PKD1L1: variants seen among roughly 807,000 people sequenced by gnomAD.
The protein encoded by PKD1L1 is polycystin-1-like protein 1.
Under a neutral mutation model 323.4 loss-of-function variants are expected in PKD1L1, and 236 were observed. The ratio of observed to expected loss-of-function variants is 0.73; its 90% CI spans 0.66 to 0.81. The LOEUF (loss-of-function observed/expected upper bound fraction) is 0.81, where lower values mean the gene tolerates loss of function less well. PKD1L1 is among the 40% of genes least tolerant of loss of function. The pLI is 0.00. For synonymous variants in PKD1L1, 1,344 were observed against 1,335.0 expected, an observed-to-expected ratio of 1.01 and a Z score of -0.15; for missense variants, 3,320 against 3,508.0, an observed-to-expected ratio of 0.95 and a Z score of 1.35.
chr7:47,789,088 T>C (rs924961666), intron 56 of PKD1L1, among the ~76,000 whole-genome samples: 1 of 152,216 alleles, frequency 6.6e-6, no homozygotes, highest in Non-Finnish European at 1.5e-5. Context: ...AGTTTTTAGA[T>C]CAATAAATTG....
chr7:47,901,644 G>A (rs1787091807), intron 13 of PKD1L1, among the ~76,000 whole-genome samples: 1 of 152,210 alleles, frequency 6.6e-6, no homozygotes, highest in Non-Finnish European at 1.5e-5. Flanking sequence ...GGTGGGCAGG[G>A]GTATTGCCTG....
At position 47,893,907 on chromosome 7, in the gene PKD1L1, G is replaced by A. The variant is rs764327755; in HGVS notation, c.2424C>T (p.Phe808=). The part of the protein sequence containing the change: ...SPIVLRGTQS[F]DPDDPGATLR... Reference sequence around the variant, plus strand: ...GAGTCGCCCCAGGGTCGTCAGGGTCGAAGGACTGGGTCCCTCTGAGGACAA... The same window carrying A: ...GAGTCGCCCCAGGGTCGTCAGGGTCAAAGGACTGGGTCCCTCTGAGGACAA... Residue 808 remains phenylalanine (F), a synonymous_variant, in exon 15 of 57, where the codon TTC becomes TTT. Transcript: ENST00000289672. 33 of 1,613,794 alleles carry A rather than the reference G, an allele frequency of 2.0e-5. No individual in the cohort carries two copies. The Admixed American group carries it at 2.2e-4, about 11-fold the overall frequency.
At chr7:47,874,589 C>T (rs532466676) in intron 23 of PKD1L1, among the ~76,000 whole-genome samples, 2 of 152,288 alleles carry the variant, frequency 1.3e-5, no homozygotes, top group East Asian at 3.9e-4. Flanking sequence ...ATCTCGTCTA[C>T]AAGCAAATTC....
chr7:47,806,231 G>C (rs1393747043), intron 52 of PKD1L1, among the ~76,000 whole-genome samples: 1 of 152,168 alleles, frequency 6.6e-6, no homozygotes, highest in Non-Finnish European at 1.5e-5. Context: ...CAGGTGAAAA[G>C]AACATCCTAC....
chr7:47,846,949 C>T lies in PKD1L1; in HGVS notation c.5083G>A (p.Asp1695Asn). 1 of 1,613,964 alleles carries T rather than the reference C, an allele frequency of 6.2e-7. No individual in the cohort carries two copies. Among genetic ancestry groups the T allele is most frequent in the South Asian group, 1.1e-5 (1 of 90,998 alleles). The change falls in exon 32 of 57, where the codon GAC becomes AAC. Residue 1695 changes from aspartate to asparagine, a missense_variant. Coordinates refer to ENST00000289672, the MANE Select transcript of PKD1L1 (RefSeq NM_138295.5). ...CGTTCAGATTTCCACTCTCTCTTGT[C>T]CCAAAACAGGCATCGGATCCACTGG... ...HFQWIRCLFW[D>N]KREWKSERFS...
At position 47,857,617 on chromosome 7, in the gene PKD1L1, T is replaced by G; in HGVS notation, c.4578A>C (p.Gln1526His). 6.2e-7 allele frequency: 1 copy of G among 1,613,886 alleles called. No individual in the cohort carries two copies. Among genetic ancestry groups the G allele is most frequent in the Non-Finnish European group, 8.5e-7 (1 of 1,179,750 alleles). ...LFKKNPYPGS[Q>H]APGQIGGVVG... ...TGTCAGCTTGTACCTGCCCAGGAGCTTGGCTCCCTGGATATGGGTTCTTCT... is the reference window on the plus strand; with the variant it reads ...TGTCAGCTTGTACCTGCCCAGGAGCGTGGCTCCCTGGATATGGGTTCTTCT... The change falls in exon 28 of 57, where the codon CAA (glutamine) becomes CAC (histidine). Residue 1526 changes from glutamine to histidine, a missense_variant. Gln to His is a conservative substitution (Grantham distance 24). Transcript: ENST00000289672.
chr7:47,792,237 C>T (rs1786966413), intron 56 of PKD1L1, among the ~76,000 whole-genome samples: 1 of 152,144 alleles, frequency 6.6e-6, no homozygotes, highest in Non-Finnish European at 1.5e-5. Context: ...CATCCTTTCT[C>T]CTTTTGGTCT....
At chr7:47,780,063 T>G (rs10951928) in intron 56 of PKD1L1, among the ~76,000 whole-genome samples, 42,008 of 152,048 alleles carry the variant, frequency 0.28, 6,133 homozygotes, top group East Asian at 0.57. Flanking sequence ...AACTGTAGAT[T>G]CACACACAGT....
intron 54 of PKD1L1, among the ~76,000 whole-genome samples, chr7:47,797,936 CAA>C (rs1784577954): frequency 6.6e-6 from 1 of 152,054 alleles, no homozygotes; most frequent in Non-Finnish European, 1.5e-5. Flanking sequence ...TGAAAAAAAT[CAA>C]AGAGTATCTA....
intron 41 of PKD1L1, among the ~76,000 whole-genome samples, chr7:47,831,611 C>T (rs753236315): frequency 6.6e-5 from 10 of 152,168 alleles, no homozygotes; most frequent in Non-Finnish European, 5.9e-5. Context: ...CTGAATAGAA[C>T]GCACAGGCTG....
intron 39 of PKD1L1, 46 bp from the exon 40 acceptor site, chr7:47,834,431 T>C (rs780720426): frequency 5.9e-6 from 9 of 1,522,326 alleles, no homozygotes; most frequent in South Asian, 2.3e-5. Flanking sequence ...TTTGGGGTGA[T>C]ACATTTAAAC....
chr7:47,887,923 T>C (rs1786718941), intron 17 of PKD1L1, 67 bp downstream of exon 17: 11 of 1,484,178 alleles, frequency 7.4e-6, no homozygotes, highest in Admixed American at 3.8e-5. Flanking sequence ...TGCAACATTT[T>C]AGCAATCTCA....
chr7:47,949,695 C>G (rs759311861), upstream of PKD1L1, among the ~76,000 whole-genome samples: 1 of 152,178 alleles, frequency 6.6e-6, no homozygotes, highest in African/African-American at 2.4e-5. Context: ...ACTCAGAACA[C>G]TAGATATTTT....
At chr7:47,810,973 G>C (rs1008987610) in intron 50 of PKD1L1, among the ~76,000 whole-genome samples, 1 of 152,124 alleles carries the variant, frequency 6.6e-6, no homozygotes, top group Non-Finnish European at 1.5e-5. Flanking sequence ...TACACAAAGA[G>C]ACTCTAGACA....
At chr7:47,828,075 G>T (rs1785271446) in intron 44 of PKD1L1, among the ~76,000 whole-genome samples, 1 of 152,164 alleles carries the variant, frequency 6.6e-6, no homozygotes. Context: ...CAGCAGGAAT[G>T]TGAACAATAT....
rs755226560 is a variant in PKD1L1 at position 47,857,750 on chromosome 7, T to A, written c.4445A>T (p.Gln1482Leu). The A allele has an allele frequency of 1.2e-6, 2 of 1,614,134 alleles. No individual in the cohort carries two copies. Residue 1482 changes from glutamine to leucine, a missense_variant, in exon 28 of 57, where the codon CAG becomes CTG. Transcript: ENST00000289672. ...LLHYNLQSSV[Q>L]SLGSVQVHLP... ...ATGCACCTGGACAGATCCCAGGCTCTGGACAGAGCTCTGAAGGTTGTAATG... is the reference window on the plus strand; with the variant it reads ...ATGCACCTGGACAGATCCCAGGCTCAGGACAGAGCTCTGAAGGTTGTAATG...
In PKD1L1 at chr7:47,813,177, A is replaced by G; in HGVS notation, c.7290T>C (p.Asn2430=). The change falls in exon 49 of 57, where the codon AAT becomes AAC. Residue 2430 remains asparagine (N), a synonymous_variant. Transcript: ENST00000289672. The stretch of plus-strand genomic sequence containing the variant: ...CCCTTGTCCCACAGCCCCCAGGACC[A>G]TTCAGGGTCACGTTTTGGTTCTCTG... ...IDPENQNVTL[N]GPGGCGTRED... 6.2e-7 allele frequency: 1 copy of G among 1,614,148 alleles called. No homozygotes were observed. Among genetic ancestry groups the G allele is most frequent in the Non-Finnish European group, 8.5e-7 (1 of 1,180,024 alleles).
At chr7:47,900,198 G>A (rs138901032) in intron 13 of PKD1L1, among the ~76,000 whole-genome samples, 1 of 152,120 alleles carries the variant, frequency 6.6e-6, no homozygotes, top group Non-Finnish European at 1.5e-5. Context: ...ATACTAGGAT[G>A]CCAATTTTTA....
Position 47,812,054 on chromosome 7 carries a change from G to A in PKD1L1, c.7347-3C>T, listed in dbSNP as rs1160182754. 1.3e-5 allele frequency: 20 copies of A among 1,556,148 alleles called. No individual in the cohort carries two copies. Among genetic ancestry groups the A allele is most frequent in the Non-Finnish European group, 1.7e-5 (19 of 1,149,634 alleles). On this transcript the variant is annotated splice_region_variant and splice_polypyrimidine_tract_variant and intron_variant, in intron 49 of 56. Transcript: ENST00000289672. ...ACAGGGCTGTGTGGGCTTCAGTCCT[G>A]TAAAACAGCACACACTGGGGTAGGG...
Sources: allele counts gnomAD v4.1 joint callset (sites outside exome capture counted in the v4.1 genomes callset), GRCh38; gene constraint gnomAD v4.1.1; transcripts MANE v1.5; gene names NCBI Gene and HGNC (gene_info 2026-07-23, HGNC 2026-07-21).